GALNT17: variants seen among roughly 807,000 people sequenced by gnomAD.
GALNT17 encodes the protein UDP-GalNAc:polypeptide N-acetylgalactosaminyltransferase-like 3.
GALNT17 carries 29 observed loss-of-function variants against 63.7 expected under a neutral mutation model. That is an observed-to-expected ratio of 0.46 (90% CI 0.34 to 0.62). GALNT17 has a LOEUF of 0.62. GALNT17 is among the 20% of genes least tolerant of loss of function. The pLI, the probability that GALNT17 is intolerant of heterozygous loss-of-function variation, is 0.01. For synonymous variants in GALNT17, 305 were observed against 318.3 expected (o/e 0.96, Z 0.45); for missense variants, 603 against 799.6 (o/e 0.75, Z 2.97).
At chr7:71,248,611 TACA>T (rs1790142898) in intron 1 of GALNT17, among the ~76,000 whole-genome samples, 1 of 152,216 alleles carries the variant, frequency 6.6e-6, no homozygotes, top group South Asian at 2.1e-4. Flanking sequence ...ATCACTTCAT[TACA>T]ATTGCAGTGT....
chr7:71,522,923 T>A (rs1462278087), intron 5 of GALNT17, among the ~76,000 whole-genome samples: 1 of 152,132 alleles, frequency 6.6e-6, no homozygotes, highest in Non-Finnish European at 1.5e-5. Context: ...TGCAGATTCT[T>A]AGTTGGGTGC....
intron 6 of GALNT17, among the ~76,000 whole-genome samples, chr7:71,619,399 T>C (rs1359534892): frequency 1.3e-5 from 2 of 152,242 alleles, no homozygotes; most frequent in Admixed American, 1.3e-4. Context: ...GCCATTTTTA[T>C]GATATTGAGT....
chr7:71,553,597 G>A (rs1789115715), intron 5 of GALNT17, among the ~76,000 whole-genome samples: 1 of 152,018 alleles, frequency 6.6e-6, no homozygotes. Context: ...TCAAAGTTCT[G>A]TTCATTCTTC....
At chr7:71,341,130 A>G (rs749962150) in intron 2 of GALNT17, among the ~76,000 whole-genome samples, 1 of 152,200 alleles carries the variant, frequency 6.6e-6, no homozygotes, top group Non-Finnish European at 1.5e-5. Flanking sequence ...CAGTAGGAAC[A>G]CTTGAACCTA....
chr7:71,382,202 A>G (rs1323426300), intron 2 of GALNT17, among the ~76,000 whole-genome samples: 1 of 152,120 alleles, frequency 6.6e-6, no homozygotes, highest in Non-Finnish European at 1.5e-5. Flanking sequence ...CAACATGGTG[A>G]AACCTCGTCT....
At chr7:71,232,209 T>G (rs182313856) in intron 1 of GALNT17, among the ~76,000 whole-genome samples, 1 of 152,266 alleles carries the variant, frequency 6.6e-6, no homozygotes, top group East Asian at 1.9e-4. Flanking sequence ...TGAGGGGATC[T>G]GCCAAATCCC....
At chr7:71,699,927 C>T (rs1791605148) in intron 9 of GALNT17, among the ~76,000 whole-genome samples, 1 of 151,628 alleles carries the variant, frequency 6.6e-6, no homozygotes, top group Non-Finnish European at 1.5e-5. Flanking sequence ...AGTGAGACCC[C>T]TGTCTCAGAA....
At chr7:71,711,457 G>A (rs1584154335) in intron 10 of GALNT17, among the ~76,000 whole-genome samples, 1 of 151,994 alleles carries the variant, frequency 6.6e-6, no homozygotes, top group East Asian at 1.9e-4. Context: ...CTATGTGCCA[G>A]GCGCCATGAT....
intron 1 of GALNT17, among the ~76,000 whole-genome samples, chr7:71,226,636 T>C (rs939416248): frequency 6.6e-6 from 1 of 152,248 alleles, no homozygotes; most frequent in African/African-American, 2.4e-5. Flanking sequence ...TGCACCACCA[T>C]GCCCAGCTAA....
chr7:71,292,748 C>T (rs1309009795), intron 1 of GALNT17, among the ~76,000 whole-genome samples: 1 of 147,060 alleles, frequency 6.8e-6, no homozygotes, highest in African/African-American at 2.5e-5. Flanking sequence ...TATTAAATTA[C>T]AGTATACAAT....
intron 1 of GALNT17, among the ~76,000 whole-genome samples, chr7:71,281,863 A>C (rs1790783648): frequency 6.6e-6 from 1 of 152,200 alleles, no homozygotes; most frequent in Non-Finnish European, 1.5e-5. Context: ...GAAATAGAAA[A>C]AGTGACCCAT....
At chr7:71,312,042 C>T (rs144701236) in intron 1 of GALNT17, among the ~76,000 whole-genome samples, 3,971 of 152,326 alleles carry the variant, frequency 0.026, 143 homozygotes, top group Middle Eastern at 0.034. Flanking sequence ...CAGGCAGTTA[C>T]TGCCCCTGGC....
chr7:71,285,714 G>A (rs1008368073), intron 1 of GALNT17, among the ~76,000 whole-genome samples: 3 of 152,042 alleles, frequency 2.0e-5, no homozygotes, highest in Non-Finnish European at 2.9e-5. Flanking sequence ...CAAAAAGACA[G>A]TATCTATGAA....
intron 5 of GALNT17, among the ~76,000 whole-genome samples, chr7:71,430,539 G>A (rs1257110810): frequency 1.3e-5 from 2 of 152,162 alleles, no homozygotes; most frequent in Non-Finnish European, 2.9e-5. Flanking sequence ...AGGTGACAGT[G>A]GTTCCTCCCT....
At chr7:71,257,845 C>A (rs548061115) in intron 1 of GALNT17, among the ~76,000 whole-genome samples, 1 of 152,280 alleles carries the variant, frequency 6.6e-6, no homozygotes, top group South Asian at 2.1e-4. Flanking sequence ...AGTGGGTAAC[C>A]GTTCTGTGCA....
At chr7:71,394,667 A>T (rs1793106420) in intron 3 of GALNT17, among the ~76,000 whole-genome samples, 1 of 152,174 alleles carries the variant, frequency 6.6e-6, no homozygotes, top group Non-Finnish European at 1.5e-5. Context: ...TGTTTGGGTG[A>T]CCAGGATGGA....
At chr7:71,383,491 T>C (rs1792882870) in intron 2 of GALNT17, among the ~76,000 whole-genome samples, 1 of 152,162 alleles carries the variant, frequency 6.6e-6, no homozygotes, top group Non-Finnish European at 1.5e-5. Flanking sequence ...CAGACTAGAG[T>C]GCAGTGGTGC....
chr7:71,212,830 G>C (rs1194417030), intron 1 of GALNT17, among the ~76,000 whole-genome samples: 3 of 152,160 alleles, frequency 2.0e-5, no homozygotes, highest in African/African-American at 7.2e-5. Flanking sequence ...ATTTGGAACA[G>C]CTCTATTTAC....
At chr7:71,267,237 G>T (rs190160491) in intron 1 of GALNT17, among the ~76,000 whole-genome samples, 1 of 152,370 alleles carries the variant, frequency 6.6e-6, no homozygotes, top group Admixed American at 6.5e-5. Context: ...GGTATATAAA[G>T]ATGTAGGTGT....
Sources: allele counts gnomAD v4.1 joint callset (sites outside exome capture counted in the v4.1 genomes callset), GRCh38; gene constraint gnomAD v4.1.1; transcripts MANE v1.5; gene names NCBI Gene and HGNC (gene_info 2026-07-23, HGNC 2026-07-21).